The following ASNS variants were observed in gnomAD, a reference collection of about 807,000 sequenced individuals.
ASNS encodes asparagine synthetase [glutamine-hydrolyzing].
ASNS carries 37 observed loss-of-function variants against 62.6 expected under a neutral mutation model. The ratio of observed to expected loss-of-function variants is 0.59; its 90% CI spans 0.45 to 0.78. ASNS has a LOEUF of 0.78. ASNS is among the 30% of genes least tolerant of loss of function. The pLI, the probability that ASNS is intolerant of heterozygous loss-of-function variation, is 0.00. For synonymous variants in ASNS, 207 were observed against 237.9 expected, an observed-to-expected ratio of 0.87 and a Z score of 1.19; for missense variants, 520 against 682.4, an observed-to-expected ratio of 0.76 and a Z score of 2.65.
Position 97,864,493 on chromosome 7 carries a change from G to A in ASNS, c.253C>T (p.Gln85Ter). The change falls in exon 4 of 13, where the codon CAA becomes TAA. Residue 85 changes from glutamine to a stop codon, truncating the protein, a stop_gained. Coordinates refer to ENST00000394308, the MANE Select transcript of ASNS (RefSeq NM_001673.5). LOFTEE classifies it high-confidence loss of function. ...TGGTATTCAAATTCAAAATGCTGTTGCATCTTAGGAAGCGAAAGCAAAACC... is the reference window on the plus strand; with the variant it reads ...TGGTATTCAAATTCAAAATGCTGTTACATCTTAGGAAGCGAAAGCAAAACC... The part of the protein sequence containing the change: ...NGEIYNHKKM[Q>*]QHFEFEYQTK... 6.2e-7 allele frequency: 1 copy of A among 1,612,848 alleles called. No homozygotes were observed. Among genetic ancestry groups the A allele is most frequent in the Non-Finnish European group, 8.5e-7 (1 of 1,178,994 alleles).
intron 7 of ASNS, 87 bp from the exon 8 acceptor site, chr7:97,856,903 A>G (rs749308192): frequency 9.2e-6 from 12 of 1,311,106 alleles, no homozygotes; most frequent in Non-Finnish European, 1.3e-5. Context: ...ACAAAGCTTT[A>G]TGAATTAACA....
chr7:97,885,510 T>G, the ASNS span, among the ~76,000 whole-genome samples: 1 of 152,204 alleles, frequency 6.6e-6, no homozygotes, highest in Admixed American at 6.5e-5. Context: ...GAGCTCCCTC[T>G]CTCCATTTAT....
At chr7:97,859,030 T>C (rs1791588826) in intron 5 of ASNS, 75 bp from the exon 6 acceptor site, 1 of 1,438,352 alleles carries the variant, frequency 7.0e-7, no homozygotes, top group South Asian at 1.2e-5. Context: ...AAATACACAA[T>C]CATCAACATC....
At chr7:97,919,134 G>A in the ASNS span, among the ~76,000 whole-genome samples, 38 of 151,682 alleles carry the variant, frequency 2.5e-4, no homozygotes, top group African/African-American at 5.3e-4. Context: ...ACACAATCTC[G>A]GCTCACTGCA....
intron 3 of ASNS, among the ~76,000 whole-genome samples, chr7:97,866,115 A>G (rs910390788): frequency 2.6e-5 from 4 of 152,206 alleles, no homozygotes; most frequent in African/African-American, 7.2e-5. Flanking sequence ...CCATGACACT[A>G]AAAAACGTGT....
In ASNS at chr7:97,853,065, G is replaced by A. The variant is rs1259407038; in HGVS notation, c.1471C>T (p.His491Tyr). The change falls in exon 12 of 13, where the codon CAT (histidine) becomes TAT (tyrosine). Residue 491 changes from histidine (H) to tyrosine (Y), a missense_variant. Transcript: ENST00000394308. ...TGTTTTTAAAGACATTATACCTGAT[G>A]TTCAACGTATTCCTGTAAAATCTTA... ...WFKILQEYVE[H>Y]QVDDAMMANA... The A allele has an allele frequency of 2.5e-6, 4 of 1,570,468 alleles. No individual in the cohort carries two copies. The East Asian group carries it at 6.7e-5, about 26-fold the overall frequency.
intron 3 of ASNS, 46 bp downstream of exon 3, chr7:97,868,862 C>A (rs1490843377): frequency 6.2e-7 from 1 of 1,603,338 alleles, no homozygotes; most frequent in South Asian, 1.1e-5. Context: ...AACCAACAAA[C>A]TCTGAAGTTT....
chr7:97,864,870 G>A (rs978459198), intron 3 of ASNS, among the ~76,000 whole-genome samples: 46 of 152,100 alleles, frequency 3.0e-4, no homozygotes, highest in African/African-American at 1.0e-3. Context: ...AACCAGAAGT[G>A]TTTTGTGTTT....
chr7:97,928,395 CCG>C, the ASNS span: 6 of 641,230 alleles, frequency 9.4e-6, no homozygotes, highest in Non-Finnish European at 7.5e-6. Flanking sequence ...CTCGGAGGGT[CCG>C]CGCGGCGCGG....
the ASNS span, among the ~76,000 whole-genome samples, chr7:97,914,343 C>T: frequency 6.6e-6 from 1 of 152,138 alleles, no homozygotes; most frequent in African/African-American, 2.4e-5. Context: ...CTCTGTAATA[C>T]TCATGATTAT....
At chr7:97,879,841 A>C in the ASNS span, among the ~76,000 whole-genome samples, 1 of 152,228 alleles carries the variant, frequency 6.6e-6, no homozygotes, top group East Asian at 1.9e-4. Flanking sequence ...ATAGATAACT[A>C]ATATAAAAAC....
the ASNS span, among the ~76,000 whole-genome samples, chr7:97,893,877 C>CTAACAGATATTTTCAGAATACCA: frequency 5.3e-5 from 8 of 152,174 alleles, no homozygotes; most frequent in Non-Finnish European, 1.2e-4. Context: ...CCAAATGGAC[C>CTAACAGATATTTTCAGAATACCA]TAACAGATAT....
chr7:97,882,730 T>C, the ASNS span, among the ~76,000 whole-genome samples: 2 of 151,824 alleles, frequency 1.3e-5, no homozygotes, highest in Non-Finnish European at 2.9e-5. Context: ...GGTGCATGAG[T>C]GTCTATTTGC....
chr7:97,868,443 T>G (rs556539276), intron 3 of ASNS, among the ~76,000 whole-genome samples: 1 of 152,346 alleles, frequency 6.6e-6, no homozygotes, highest in Admixed American at 6.5e-5. Flanking sequence ...ATGTCCTTAT[T>G]CTTAGGAGAT....
chr7:97,907,619 G>A, the ASNS span, among the ~76,000 whole-genome samples: 1 of 151,930 alleles, frequency 6.6e-6, no homozygotes, highest in Non-Finnish European at 1.5e-5. Context: ...ATACAAAAAA[G>A]TTAGCCAGGC....
chr7:97,900,633 C>T, the ASNS span, among the ~76,000 whole-genome samples: 1 of 152,148 alleles, frequency 6.6e-6, no homozygotes, highest in Non-Finnish European at 1.5e-5. Context: ...GAAATGCTGC[C>T]ATGAGGGCAC....
At chr7:97,873,652 G>A (rs998927510), upstream of ASNS, among the ~76,000 whole-genome samples, 1 of 152,212 alleles carries the variant, frequency 6.6e-6, no homozygotes, top group Non-Finnish European at 1.5e-5. Flanking sequence ...ACTCAGAAAA[G>A]TTGAGGGATT....
chr7:97,896,644 A>G, the ASNS span, among the ~76,000 whole-genome samples: 327 of 136,468 alleles, frequency 2.4e-3, 3 homozygotes, highest in African/African-American at 7.4e-3. Flanking sequence ...ATATATATAT[A>G]TGTGTATATA....
chr7:97,915,273 G>A, the ASNS span, among the ~76,000 whole-genome samples: 3 of 152,216 alleles, frequency 2.0e-5, no homozygotes, highest in Non-Finnish European at 4.4e-5. Context: ...TACCATGAGA[G>A]AAGAACCATA....
Sources: allele counts gnomAD v4.1 joint callset (sites outside exome capture counted in the v4.1 genomes callset), GRCh38; gene constraint gnomAD v4.1.1; transcripts MANE v1.5; gene names NCBI Gene and HGNC (gene_info 2026-07-23, HGNC 2026-07-21).